The following USF3 variants were observed in gnomAD, a reference collection of about 807,000 sequenced individuals.
The protein encoded by USF3 is basic helix-loop-helix domain-containing protein USF3.
In USF3, 29 loss-of-function variants were observed where a neutral mutation model predicts 157.5. That is an observed-to-expected ratio of 0.18 (90% CI 0.14 to 0.25). The LOEUF is 0.25. Ranked by LOEUF, USF3 falls within the 10% of genes least tolerant of loss-of-function variation. USF3 has a pLI of 1.00. For synonymous variants in USF3, 893 were observed against 941.4 expected (o/e 0.95, Z 0.94); for missense variants, 2,381 against 2,667.6 (o/e 0.89, Z 2.37).
Position 113,652,941 on chromosome 3 carries a change from A to C in USF3, c.*2003T>G, listed in dbSNP as rs912442678. ...CATTGTAGACTCCAGCCTGGGTGAC[A>C]AAGTGACCTTGAATATCTCCTGAGG... On this transcript the variant is annotated 3_prime_UTR_variant, in exon 7 of 7. Transcript: ENST00000316407. The C allele has an allele frequency of 2.3e-6, 2 of 861,354 alleles. No homozygotes were observed. Among genetic ancestry groups the C allele is most frequent in the African/African-American group, 1.8e-5 (1 of 56,154 alleles). 53.4% of individuals were successfully genotyped at this position (861,354 alleles called of 1,614,324 possible).
At chr3:113,683,347 A>G (rs1331985133) in intron 1 of USF3, among the ~76,000 whole-genome samples, 1 of 151,120 alleles carries the variant, frequency 6.6e-6, no homozygotes, top group Admixed American at 6.6e-5. Flanking sequence ...TAATCTATAA[A>G]AACTATTATC....
Position 113,682,018 on chromosome 3 carries a change from C to T in USF3, c.-134-4621G>A, listed in dbSNP as rs182762816. ...ACAGGCATGAACCACCAGGGAAACC[C>T]GGCTAAAAATGTTTTAAGACTTTGT... is the stretch of plus-strand genomic sequence containing the variant. On this transcript the variant is annotated intron_variant, in intron 1 of 6. Coordinates refer to ENST00000316407, the MANE Select transcript of USF3 (RefSeq NM_001009899.4). Among the ~76,000 whole-genome samples, 38 of 152,304 alleles carry T rather than the reference C, an allele frequency of 2.5e-4. No individual in the cohort carries two copies. In the East Asian group the frequency reaches 6.2e-3, roughly 25 times the overall value.
Position 113,661,197 on chromosome 3 carries a change from C to A in USF3, c.485G>T (p.Gly162Val), listed in dbSNP as rs1332966437. ...AAAAGTTATCCCCTGAACAGCTGTT[C>A]CCTGGCTGTTTCCACCAGGCTGATT... Reference protein sequence around the residue: ...NGNQPGGNSQGTAVQGITFNV... With the variant: ...NGNQPGGNSQVTAVQGITFNV... The change falls in exon 7 of 7, where the codon GGA becomes GTA. Residue 162 changes from glycine to valine, a missense_variant. Physicochemically the swap from Gly to Val is moderately radical, Grantham distance 109. Coordinates refer to ENST00000316407, the MANE Select transcript of USF3 (RefSeq NM_001009899.4). 6.2e-7 allele frequency: 1 copy of A among 1,613,986 alleles called. No individual in the cohort carries two copies. The highest frequency in any genetic ancestry group is 2.2e-5 in the East Asian group (1 of 44,904).
chr3:113,663,194 CT>C (rs1947513756), intron 6 of USF3, among the ~76,000 whole-genome samples: 1 of 152,116 alleles, frequency 6.6e-6, no homozygotes, highest in Non-Finnish European at 1.5e-5. Context: ...GATCCCACCC[CT>C]AACCCCTGGC....
At chr3:113,673,741 T>A (rs1157465149) in intron 3 of USF3, among the ~76,000 whole-genome samples, 1 of 152,250 alleles carries the variant, frequency 6.6e-6, no homozygotes, top group African/African-American at 2.4e-5. Context: ...ATATCTGATG[T>A]TTGTCCTGGC....
At chr3:113,688,182 G>A (rs951180833) in intron 1 of USF3, among the ~76,000 whole-genome samples, 10 of 151,576 alleles carry the variant, frequency 6.6e-5, no homozygotes, top group Non-Finnish European at 7.4e-5. Flanking sequence ...GCAATGGCAC[G>A]ATCTTGGCTC....
chr3:113,663,812 A>G (rs969432177), intron 6 of USF3, among the ~76,000 whole-genome samples: 1 of 152,234 alleles, frequency 6.6e-6, no homozygotes, highest in Non-Finnish European at 1.5e-5. Flanking sequence ...AGTCACCTTT[A>G]TCTAAGAATC....
intron 5 of USF3, among the ~76,000 whole-genome samples, chr3:113,668,977 C>T (rs1320225818): frequency 6.6e-6 from 1 of 151,998 alleles, no homozygotes; most frequent in South Asian, 2.1e-4. Context: ...TTACAGAAAA[C>T]TCTACTAAGA....
At chr3:113,669,613 A>T (rs1272345269) in intron 5 of USF3, among the ~76,000 whole-genome samples, 3 of 151,938 alleles carry the variant, frequency 2.0e-5, no homozygotes, top group African/African-American at 7.3e-5. Flanking sequence ...TAGAGGGATA[A>T]TAATAATTAT....
At chr3:113,694,549 A>G (rs991354524) in intron 1 of USF3, among the ~76,000 whole-genome samples, 1 of 152,350 alleles carries the variant, frequency 6.6e-6, no homozygotes, top group East Asian at 1.9e-4. Context: ...TCCTAAATAC[A>G]GGGAGATCCC....
At position 113,657,451 on chromosome 3, in the gene USF3, G is replaced by A; in HGVS notation, c.4231C>T (p.Pro1411Ser). The change falls in exon 7 of 7, where the codon CCT becomes TCT. Residue 1411 changes from proline (P) to serine (S), a missense_variant. Transcript: ENST00000316407. ...TGAACTTCAGTTTGCCTCAATGCAG[G>A]AGTCACAAAGTTGTTACTAGGTGGA... ...LFPPSNNFVTPALRQTEVQCG... is the reference protein window; with the variant it reads ...LFPPSNNFVTSALRQTEVQCG... 2 of 1,614,182 alleles carry A rather than the reference G, an allele frequency of 1.2e-6. No individual in the cohort carries two copies. Among genetic ancestry groups the A allele is most frequent in the Non-Finnish European group, 1.7e-6 (2 of 1,180,036 alleles).
At chr3:113,670,609 A>G (rs1388960532) in intron 4 of USF3, among the ~76,000 whole-genome samples, 1 of 152,138 alleles carries the variant, frequency 6.6e-6, no homozygotes, top group Admixed American at 6.6e-5. Context: ...GAAAATAAAA[A>G]AAAAGGGAAG....
chr3:113,669,538 G>T (rs777883167), intron 5 of USF3, among the ~76,000 whole-genome samples: 16 of 151,806 alleles, frequency 1.1e-4, no homozygotes, highest in Non-Finnish European at 2.1e-4. Flanking sequence ...ACCTTTTTGT[G>T]CCTTTCGTAT....
Position 113,652,992 on chromosome 3 carries a change from CA to C in USF3, c.*1951del. 1.9e-6 allele frequency: 2 copies of C among 1,067,752 alleles called. No homozygotes were observed. Among genetic ancestry groups the C allele is most frequent in the Non-Finnish European group, 2.6e-6 (2 of 766,844 alleles). The allele number at this position is 1,067,752 out of a possible 1,614,324, so 66.1% of individuals were successfully genotyped here. ...AAGAGGAACTTGAAAAAGGAATATT[CA>C]AGGTGCTGTTCCTGGTGTTAGTTGC... is the stretch of plus-strand genomic sequence containing the variant. On this transcript the variant is annotated 3_prime_UTR_variant, in exon 7 of 7. Transcript: ENST00000316407.
chr3:113,679,217 C>T (rs1707353902), intron 1 of USF3, among the ~76,000 whole-genome samples: 1 of 151,970 alleles, frequency 6.6e-6, no homozygotes, highest in African/African-American at 2.4e-5. Context: ...TACTCAAACC[C>T]AGTAGTTTTC....
At position 113,661,383 on chromosome 3, in the gene USF3, T is replaced by C; in HGVS notation, c.299A>G (p.Gln100Arg). 3.8e-6 allele frequency: 6 copies of C among 1,582,486 alleles called. No individual in the cohort carries two copies. The highest frequency in any genetic ancestry group is 5.1e-6 in the Non-Finnish European group (6 of 1,168,396). Residue 100 changes from glutamine (Q) to arginine (R), a missense_variant, in exon 7 of 7, where the codon CAA (glutamine) becomes CGA (arginine). Coordinates refer to ENST00000316407, the MANE Select transcript of USF3 (RefSeq NM_001009899.4). ...KKLRKQLEEI[Q>R]KENGRYIELL... ...TTCAATATATCGGCCATTTTCTTTT[T>C]GGATTTCTTCCAGTTGTTTCCGTAG...
chr3:113,657,509 G>T lies in USF3; in HGVS notation c.4173C>A (p.Asn1391Lys). 6.2e-7 allele frequency: 1 copy of T among 1,614,116 alleles called. No individual in the cohort carries two copies. Among genetic ancestry groups the T allele is most frequent in the South Asian group, 1.1e-5 (1 of 91,078 alleles). The change falls in exon 7 of 7, where the codon AAC (asparagine) becomes AAA (lysine). Residue 1391 changes from asparagine to lysine, a missense_variant. By Grantham distance (94) the Asn-to-Lys change is moderately conservative. This residue lies in a region of USF3 where 1,435 missense variants were observed against 1,550.9 expected (regional missense o/e 0.93). Coordinates refer to ENST00000316407, the MANE Select transcript of USF3 (RefSeq NM_001009899.4). ...NSSNSVVPVS[N>K]PAHGDGLTRL... ...GTGTAAGGCCATCTCCATGAGCTGG[G>T]TTGCTAACAGGCACAACTGAGTTTG...
Position 113,657,576 on chromosome 3 carries a change from T to C in USF3, c.4106A>G (p.Asp1369Gly). The stretch of plus-strand genomic sequence containing the variant: ...CTGACTGACCATCATTTGAGTTTGG[T>C]CAGAAATGGTGTCTGGAGTTCTGCT... ...LMSRTPDTIS[D>G]QTQMMVSQIP... Residue 1369 changes from aspartate (D) to glycine (G), a missense_variant, in exon 7 of 7, where the codon GAC (aspartate) becomes GGC (glycine). Coordinates refer to ENST00000316407, the MANE Select transcript of USF3 (RefSeq NM_001009899.4). 6.2e-7 allele frequency: 1 copy of C among 1,614,132 alleles called. No individual in the cohort carries two copies. Among genetic ancestry groups the C allele is most frequent in the East Asian group, 2.2e-5 (1 of 44,882 alleles).
At chr3:113,663,533 A>G (rs1947519039) in intron 6 of USF3, among the ~76,000 whole-genome samples, 1 of 152,216 alleles carries the variant, frequency 6.6e-6, no homozygotes, top group Non-Finnish European at 1.5e-5. Flanking sequence ...TAGGCTTTCC[A>G]ATATCTTTCC....
Sources: gnomAD v4.1 joint callset for allele counts (sites outside exome capture counted in the v4.1 genomes callset) on GRCh38, gnomAD v4.1.1 for gene constraint, gnomAD v4.1.1 regional missense constraint, MANE v1.5 for transcripts, NCBI Gene and HGNC (gene_info 2026-07-23, HGNC 2026-07-21) for gene names.